The following RANBP2 variants were observed in gnomAD, a reference collection of about 807,000 sequenced individuals.
The protein encoded by RANBP2 is E3 SUMO-protein ligase RanBP2.
A neutral mutation model predicts 303.6 loss-of-function variants in RANBP2; 57 were observed. The ratio of observed to expected loss-of-function variants is 0.19; its 90% CI spans 0.15 to 0.23. RANBP2 has a LOEUF of 0.23. RANBP2 is among the 10% of genes least tolerant of loss of function. The probability of loss-of-function intolerance (pLI) is 1.00; values close to 1 mark genes in which losing one functional copy is unlikely to be tolerated. For missense variants in RANBP2, 3,138 were observed against 3,780.8 expected (o/e 0.83, Z 4.46); for synonymous variants, 1,167 against 1,301.5 (o/e 0.90, Z 2.23).
chr2:109,444,669 GC>G, the RANBP2 span, among the ~76,000 whole-genome samples: 2 of 152,160 alleles, frequency 1.3e-5, no homozygotes, highest in Non-Finnish European at 2.9e-5. Flanking sequence ...ACTCCAAGAA[GC>G]CCATTAAACC....
chr2:108,832,654 G>A, the RANBP2 span, among the ~76,000 whole-genome samples: 2 of 152,090 alleles, frequency 1.3e-5, no homozygotes, highest in South Asian at 4.1e-4. Flanking sequence ...GAGAACCACT[G>A]GTATAGGTAA....
the RANBP2 span, among the ~76,000 whole-genome samples, chr2:108,809,075 C>T: frequency 6.6e-6 from 1 of 152,090 alleles, no homozygotes; most frequent in African/African-American, 2.4e-5. Flanking sequence ...AGGAGACTGT[C>T]ATCTCCCTTA....
At chr2:109,019,537 T>C in the RANBP2 span, among the ~76,000 whole-genome samples, 11 of 152,162 alleles carry the variant, frequency 7.2e-5, no homozygotes. Context: ...TTCTCCAGGA[T>C]GCCTGACACT....
At chr2:109,002,821 C>G in the RANBP2 span, among the ~76,000 whole-genome samples, 1 of 152,202 alleles carries the variant, frequency 6.6e-6, no homozygotes, top group Non-Finnish European at 1.5e-5. Context: ...ATGCTGTTCT[C>G]CACTTCTAGG....
chr2:109,143,966 G>A, the RANBP2 span, among the ~76,000 whole-genome samples: 1 of 152,226 alleles, frequency 6.6e-6, no homozygotes, highest in Non-Finnish European at 1.5e-5. Flanking sequence ...GGCAAATACT[G>A]TGTGATCTCA....
At chr2:108,967,578 G>A in the RANBP2 span, among the ~76,000 whole-genome samples, 3 of 152,104 alleles carry the variant, frequency 2.0e-5, no homozygotes, top group Admixed American at 6.5e-5. Flanking sequence ...GCCAAGACGG[G>A]GTGGCTATAA....
chr2:109,376,781 G>A, the RANBP2 span, among the ~76,000 whole-genome samples: 24,417 of 152,276 alleles, frequency 0.16, 2,356 homozygotes, highest in East Asian at 0.38. Context: ...CCCCACACGT[G>A]CATGTGGTGG....
At chr2:109,121,635 C>T in the RANBP2 span, among the ~76,000 whole-genome samples, 4 of 152,302 alleles carry the variant, frequency 2.6e-5, no homozygotes, top group East Asian at 1.9e-4. Context: ...CCCTGCTACA[C>T]GTTCCTCCCG....
chr2:109,108,468 C>T, the RANBP2 span, among the ~76,000 whole-genome samples: 1 of 152,140 alleles, frequency 6.6e-6, no homozygotes, highest in African/African-American at 2.4e-5. Context: ...GAAGCAAGCC[C>T]ACCATGAATG....
chr2:109,499,687 C>T, the RANBP2 span, among the ~76,000 whole-genome samples: 5 of 152,196 alleles, frequency 3.3e-5, no homozygotes, highest in African/African-American at 7.2e-5. Flanking sequence ...CCTGGGGCCA[C>T]CACAGCTGCT....
At chr2:108,843,876 G>GTGTGTGTGTGTGTGTGTGTT in the RANBP2 span, among the ~76,000 whole-genome samples, 114 of 13,838 alleles carry the variant, frequency 8.2e-3, 1 homozygote, top group African/African-American at 0.01. Flanking sequence ...GTGTGTGTGT[G>GTGTGTGTGTGTGTGTGTGTT]TGTTTCTTTC....
chr2:109,357,913 A>G, the RANBP2 span, among the ~76,000 whole-genome samples: 1 of 152,222 alleles, frequency 6.6e-6, no homozygotes, highest in Admixed American at 6.5e-5. Context: ...ATGAGCCTAT[A>G]TTGACAAATC....
At chr2:109,288,008 T>A in the RANBP2 span, among the ~76,000 whole-genome samples, 1 of 147,196 alleles carries the variant, frequency 6.8e-6, no homozygotes, top group African/African-American at 2.5e-5. Flanking sequence ...GCATGGGCCA[T>A]CCCATGGCCT....
At chr2:109,510,238 G>A in the RANBP2 span, among the ~76,000 whole-genome samples, 1 of 152,234 alleles carries the variant, frequency 6.6e-6, no homozygotes, top group Non-Finnish European at 1.5e-5. Flanking sequence ...GAGCCTTCCA[G>A]GCCAGAAGCA....
At chr2:109,106,943 T>A in the RANBP2 span, among the ~76,000 whole-genome samples, 2 of 151,204 alleles carry the variant, frequency 1.3e-5, no homozygotes, top group Non-Finnish European at 3.0e-5. Flanking sequence ...CCTTTTTTTT[T>A]TTTTTTTTTT....
In RANBP2 at chr2:108,778,479, A is replaced by T. The variant is rs1000184684; in HGVS notation, c.8599+1248A>T. 6.6e-5 allele frequency among the ~76,000 whole-genome samples: 10 copies of T among 152,134 alleles called. No homozygotes were observed. In the South Asian group the frequency reaches 1.0e-3, roughly 16 times the overall value. On this transcript the variant is annotated intron_variant, in intron 25 of 28. Coordinates refer to ENST00000283195, the MANE Select transcript of RANBP2 (RefSeq NM_006267.5). ...CCAGATAATTTAGAGTTTCAATCTTATTTTCTCTAATGTCTCAAAGCTTGC... is the reference window on the plus strand; with the variant it reads ...CCAGATAATTTAGAGTTTCAATCTTTTTTTCTCTAATGTCTCAAAGCTTGC...
the RANBP2 span, among the ~76,000 whole-genome samples, chr2:109,326,356 G>T: frequency 6.6e-6 from 1 of 151,832 alleles, no homozygotes. Flanking sequence ...AGTTGTTGTT[G>T]TTCTTTTTTT....
chr2:109,518,915 C>CTTTT, the RANBP2 span, among the ~76,000 whole-genome samples: 18 of 110,990 alleles, frequency 1.6e-4, no homozygotes, highest in Admixed American at 5.0e-4. Flanking sequence ...TGCTACATAT[C>CTTTT]TTTTTTTTTT....
At chr2:109,038,923 A>G in the RANBP2 span, among the ~76,000 whole-genome samples, 2 of 152,190 alleles carry the variant, frequency 1.3e-5, no homozygotes, top group Admixed American at 6.5e-5. Context: ...TCCATTATTA[A>G]AGAGGTTGAA....
Sources: gnomAD v4.1 joint callset for allele counts (sites outside exome capture counted in the v4.1 genomes callset) on GRCh38, gnomAD v4.1.1 for gene constraint, MANE v1.5 for transcripts, NCBI Gene and HGNC (gene_info 2026-07-23, HGNC 2026-07-21) for gene names.